Variants in LMO3 observed in about 807,000 individuals in gnomAD.
The protein encoded by LMO3 is LIM domain only 3, also known as LIM domain only protein 3.
LMO3 carries 2 observed loss-of-function variants against 15.8 expected under a neutral mutation model. That is an observed-to-expected ratio of 0.13 (90% CI 0.05 to 0.40). The LOEUF is 0.40. LMO3 is among the 10% of genes least tolerant of loss of function. The pLI, the probability that LMO3 is intolerant of heterozygous loss-of-function variation, is 0.99. For synonymous variants in LMO3, 62 were observed against 63.8 expected, an observed-to-expected ratio of 0.97 and a Z score of 0.13; for missense variants, 86 against 182.2, an observed-to-expected ratio of 0.47 and a Z score of 3.04.
intron 2 of LMO3, among the ~76,000 whole-genome samples, chr12:16,567,169 C>G (rs1451222344): frequency 6.6e-6 from 1 of 151,960 alleles, no homozygotes; most frequent in African/African-American, 2.4e-5. Flanking sequence ...GCACTCCAGC[C>G]TGGGCAATAA....
rs1943922356 is a variant in LMO3, at chr12:16,604,397, G to A, written c.-9+1669C>T. Among the ~76,000 whole-genome samples the A allele has an allele frequency of 6.6e-6, 1 of 151,406 alleles. No homozygotes were observed. The highest frequency in any genetic ancestry group is 2.4e-5 in the African/African-American group (1 of 41,098). On this transcript the variant is annotated intron_variant, in intron 1 of 3. Transcript: ENST00000537304. This position sits in a 1 kb window ranked among gnomAD's most constrained non-coding sequence, Gnocchi z 5.3. ...GAGCAATGGAGCTGGGAACCAATTT[G>A]ATTCCCTTTTTCTCCAATGCAGCTG...
rs751135259 is a variant in LMO3, at chr12:16,582,876, C to T, written c.206+17779G>A. 6.6e-6 allele frequency among the ~76,000 whole-genome samples: 1 copy of T among 151,802 alleles called. No individual in the cohort carries two copies. ...CAGCCTGGCCAACATGGCGAAACCC[C>T]GTCTCTACTAAAATAAAAAAATTAG... On this transcript the variant is annotated intron_variant, in intron 2 of 3. Transcript: ENST00000537304. This position sits in a 1 kb window ranked among gnomAD's most constrained non-coding sequence, Gnocchi z 4.1.
In LMO3 at chr12:16,604,701, A is replaced by T; in HGVS notation, c.-9+1365T>A. ...GAATGTAGCAGTATTTGTTGCATCT[A>T]GCAAGATTAATTGGTTTAAGCAGCA... On this transcript the variant is annotated intron_variant, in intron 1 of 3. Coordinates refer to ENST00000537304, the MANE Select transcript of LMO3 (RefSeq NM_018640.5). This position sits in a 1 kb window ranked among gnomAD's most constrained non-coding sequence, Gnocchi z 5.3. The T allele has an allele frequency of 1.4e-6, 1 of 727,818 alleles. No homozygotes were observed. The highest frequency in any genetic ancestry group is 2.3e-6 in the Non-Finnish European group (1 of 439,166). 45.1% of individuals were successfully genotyped at this position (727,818 alleles called of 1,614,324 possible).
In LMO3 at chr12:16,563,471, C is replaced by A. The variant is rs1197171746; in HGVS notation, c.207-2933G>T. Among the ~76,000 whole-genome samples the A allele has an allele frequency of 3.3e-5, 5 of 152,288 alleles. No individual in the cohort carries two copies. The East Asian group carries it at 9.6e-4, about 29-fold the overall frequency. On this transcript the variant is annotated intron_variant, in intron 2 of 3. Transcript: ENST00000537304. ...TCATATATGTCAATTAAGCATAAGACAGGCATAGTTCTCCTTTGTAAGATT... is the reference window on the plus strand; with the variant it reads ...TCATATATGTCAATTAAGCATAAGAAAGGCATAGTTCTCCTTTGTAAGATT...
At chr12:16,606,013 G>GC in intron 1 of LMO3, 53 bp downstream of exon 1, 1 of 607,628 alleles carries the variant, frequency 1.6e-6, no homozygotes, top group Admixed American at 2.8e-5. Context: ...CGCACCCGCA[G>GC]ACACACACAC....
upstream of LMO3, chr12:16,608,137 AGT>A (rs150031290): frequency 5.6e-5 from 8 of 143,402 alleles, no homozygotes; most frequent in East Asian, 2.4e-4. This position sits in a 1 kb window ranked among gnomAD's most constrained non-coding sequence, Gnocchi z 4.1. Context: ...AGTATGTGTG[AGT>A]GTGTGTGTGT....
rs1435370884 is a variant in LMO3 at position 16,566,461 on chromosome 12, C to G, written c.207-5923G>C. Among the ~76,000 whole-genome samples the G allele has an allele frequency of 7.2e-5, 11 of 151,984 alleles. 1 individual carries two copies. Among genetic ancestry groups the G allele is most frequent in the Admixed American group, 7.2e-4 (11 of 15,256 alleles). On this transcript the variant is annotated intron_variant, in intron 2 of 3. Transcript: ENST00000537304. ...ATGTATGAGGCGATGGGTATTTGAA[C>G]TACCCTAATTAGATCATTACACAAA...
At chr12:16,578,556 G>T (rs147671139) in intron 2 of LMO3, among the ~76,000 whole-genome samples, 5 of 152,242 alleles carry the variant, frequency 3.3e-5, no homozygotes, top group African/African-American at 4.8e-5. Context: ...CGTGGCTCAT[G>T]CCTGTAATCC....
rs1942998807 is a variant in LMO3 at position 16,576,458 on chromosome 12, A to G, written c.207-15920T>C. Among the ~76,000 whole-genome samples, 1 of 152,070 alleles carries G rather than the reference A, an allele frequency of 6.6e-6. No individual in the cohort carries two copies. Among genetic ancestry groups the G allele is most frequent in the Non-Finnish European group, 1.5e-5 (1 of 68,020 alleles). ...ACTGCTGCTTTTTTTTCATATTCAG[A>G]TCAAATGTCAATGGATCTATGAAGC... On this transcript the variant is annotated intron_variant, in intron 2 of 3. Coordinates refer to ENST00000537304, the MANE Select transcript of LMO3 (RefSeq NM_018640.5). The surrounding 1 kb of genome is among the most constrained non-coding windows in gnomAD (Gnocchi z 4.1).
intron 2 of LMO3, among the ~76,000 whole-genome samples, chr12:16,592,295 G>A (rs539812699): frequency 1.3e-5 from 2 of 152,050 alleles, no homozygotes; most frequent in African/African-American, 2.4e-5. Flanking sequence ...GGGTTGCACC[G>A]TGAAAGAAGA....
Position 16,593,742 on chromosome 12 carries a change from G to A in LMO3, c.206+6913C>T, listed in dbSNP as rs1943563036. 6.6e-6 allele frequency among the ~76,000 whole-genome samples: 1 copy of A among 151,648 alleles called. No individual in the cohort carries two copies. Among genetic ancestry groups the A allele is most frequent in the Admixed American group, 6.6e-5 (1 of 15,196 alleles). On this transcript the variant is annotated intron_variant, in intron 2 of 3. Transcript: ENST00000537304. This position sits in a 1 kb window ranked among gnomAD's most constrained non-coding sequence, Gnocchi z 4.2. Reference sequence around the variant, plus strand: ...TTATCCATTAATACTGATAATAAAGGGGGGAAAGGCATAAGCCAAAGGAAT... The same window carrying A: ...TTATCCATTAATACTGATAATAAAGAGGGGAAAGGCATAAGCCAAAGGAAT...
intron 2 of LMO3, among the ~76,000 whole-genome samples, chr12:16,575,900 C>T (rs1942979492): frequency 6.6e-6 from 1 of 152,134 alleles, no homozygotes. Flanking sequence ...ACATTACCCT[C>T]CCTCTCCCCA....
At chr12:16,578,805 G>A (rs1943070962) in intron 2 of LMO3, among the ~76,000 whole-genome samples, 1 of 149,110 alleles carries the variant, frequency 6.7e-6, no homozygotes, top group African/African-American at 2.5e-5. Flanking sequence ...GAGACAGAGC[G>A]AGATTCTGTC....
rs1031340250 is a variant in LMO3, at chr12:16,556,752, T to C, written c.332+3661A>G. On this transcript the variant is annotated intron_variant, in intron 3 of 3. Transcript: ENST00000537304. Reference sequence around the variant, plus strand: ...GAATCTCCTATATGAAAACCTTCTGTATCCTGGGTAACAAAATTTGTCTGC... The same window carrying C: ...GAATCTCCTATATGAAAACCTTCTGCATCCTGGGTAACAAAATTTGTCTGC... Among the ~76,000 whole-genome samples, 7 of 152,160 alleles carry C rather than the reference T, an allele frequency of 4.6e-5. No individual in the cohort carries two copies. The East Asian group carries it at 5.8e-4, about 13-fold the overall frequency.
In LMO3 at chr12:16,604,202, G is replaced by C. The variant is rs1002713472; in HGVS notation, c.-9+1864C>G. Among the ~76,000 whole-genome samples the C allele has an allele frequency of 6.6e-6, 1 of 152,138 alleles. No individual in the cohort carries two copies. Among genetic ancestry groups the C allele is most frequent in the East Asian group, 1.9e-4 (1 of 5,194 alleles). ...TTGGAAAACTGGATTGGGCCTAAAA[G>C]CTTGTTTCTCTCTGTTCACTGGCCC... On this transcript the variant is annotated intron_variant, in intron 1 of 3. Coordinates refer to ENST00000537304, the MANE Select transcript of LMO3 (RefSeq NM_018640.5). The surrounding 1 kb of genome is among the most constrained non-coding windows in gnomAD (Gnocchi z 5.3).
At chr12:16,551,798 G>A (rs1477464885) in intron 3 of LMO3, among the ~76,000 whole-genome samples, 2 of 151,906 alleles carry the variant, frequency 1.3e-5, no homozygotes, top group African/African-American at 4.8e-5. Context: ...CTATTTTAAA[G>A]CTTCCCATTT....
chr12:16,581,647 T>A (rs1406195624), intron 2 of LMO3, among the ~76,000 whole-genome samples: 2 of 152,206 alleles, frequency 1.3e-5, no homozygotes, highest in East Asian at 1.9e-4. Context: ...ATTGCTATTA[T>A]AACAGGCTTA....
rs560227577 is a variant in LMO3, at chr12:16,572,398, C to T, written c.207-11860G>A. On this transcript the variant is annotated intron_variant, in intron 2 of 3. Coordinates refer to ENST00000537304, the MANE Select transcript of LMO3 (RefSeq NM_018640.5). ...TTTCTACAGTGCTGACTTTAATTAA[C>T]GATTTTAGAATGTGTATCTATCTTC... 3.5e-4 allele frequency among the ~76,000 whole-genome samples: 35 copies of T among 98,854 alleles called. No homozygotes were observed. In the East Asian group the frequency reaches 6.5e-3, roughly 18 times the overall value. 64.9% of individuals were successfully genotyped at this position (98,854 alleles called of 152,430 possible). A position where few individuals can be genotyped will look rare whatever the true frequency, so the allele number is the denominator to read the frequency against.
chr12:16,553,042 T>C (rs1017244071), intron 3 of LMO3, among the ~76,000 whole-genome samples: 2 of 152,116 alleles, frequency 1.3e-5, no homozygotes, highest in African/African-American at 4.8e-5. Context: ...AAATGAAATA[T>C]CTAAAATCTT....
Sources: allele counts gnomAD v4.1 joint callset (sites outside exome capture counted in the v4.1 genomes callset), GRCh38; gene constraint gnomAD v4.1.1; non-coding constraint Gnocchi (gnomAD v3.1); transcripts MANE v1.5; gene names NCBI Gene and HGNC (gene_info 2026-07-23, HGNC 2026-07-21).